The following ZNF385D variants were observed in gnomAD, a reference collection of about 807,000 sequenced individuals.
ZNF385D encodes zinc finger protein 385D.
A neutral mutation model predicts 35.8 loss-of-function variants in ZNF385D; 15 were observed. The observed-to-expected ratio is 0.42, with a 90% CI of 0.28 to 0.64. The LOEUF is 0.64. Ranked by LOEUF, ZNF385D falls within the 30% of genes least tolerant of loss-of-function variation. ZNF385D has a pLI of 0.23. For synonymous variants in ZNF385D, 212 were observed against 186.8 expected, an observed-to-expected ratio of 1.13 and a Z score of -1.10; for missense variants, 474 against 494.6, an observed-to-expected ratio of 0.96 and a Z score of 0.39.
At chr3:22,332,692 G>A (rs1694993989) in intron 2 of ZNF385D, among the ~76,000 whole-genome samples, 2 of 152,050 alleles carry the variant, frequency 1.3e-5, no homozygotes, top group South Asian at 2.1e-4. Context: ...AAGCCAAGAT[G>A]AGAATTTGAA....
intron 2 of ZNF385D, among the ~76,000 whole-genome samples, chr3:22,350,149 A>G (rs1575173832): frequency 6.6e-6 from 1 of 152,182 alleles, no homozygotes; most frequent in African/African-American, 2.4e-5. Flanking sequence ...CCATGACTTT[A>G]GACTAAGCGT....
intron 1 of ZNF385D, among the ~76,000 whole-genome samples, chr3:21,719,862 G>A (rs2068468320): frequency 6.6e-6 from 1 of 152,158 alleles, no homozygotes; most frequent in African/African-American, 2.4e-5. Context: ...TTTAAACTAA[G>A]AAGACAAGAA....
At chr3:21,557,781 C>T (rs2062793164) in intron 3 of ZNF385D, among the ~76,000 whole-genome samples, 1 of 152,108 alleles carries the variant, frequency 6.6e-6, no homozygotes, top group South Asian at 2.1e-4. Context: ...TCTGTGAATC[C>T]ATCTGGTCCT....
intron 2 of ZNF385D, among the ~76,000 whole-genome samples, chr3:21,590,035 G>A (rs566111049): frequency 2.0e-5 from 3 of 152,246 alleles, no homozygotes; most frequent in South Asian, 4.1e-4. Flanking sequence ...CTGTGGACAA[G>A]TAGGCATGTG....
chr3:22,148,970 C>G (rs912697381), intron 3 of ZNF385D, among the ~76,000 whole-genome samples: 1 of 152,158 alleles, frequency 6.6e-6, no homozygotes, highest in African/African-American at 2.4e-5. Flanking sequence ...ACTCAAACTT[C>G]TATCTAATAT....
At chr3:22,185,186 G>C (rs182578814) in intron 2 of ZNF385D, among the ~76,000 whole-genome samples, 104 of 148,620 alleles carry the variant, frequency 7.0e-4, no homozygotes, top group African/African-American at 2.4e-3. Context: ...CTTTAAAATT[G>C]CAAGTTTCAA....
Position 21,594,219 on chromosome 3 carries a change from C to T in ZNF385D, c.166-29535G>A, listed in dbSNP as rs192173643. Reference sequence around the variant, plus strand: ...TGCTTTACACCAGACCTGCCAAGATCATTCACACTTATTTTGCAGTATCCA... The same window carrying T: ...TGCTTTACACCAGACCTGCCAAGATTATTCACACTTATTTTGCAGTATCCA... On this transcript the variant is annotated intron_variant, in intron 2 of 7. Transcript: ENST00000281523. Among the ~76,000 whole-genome samples, 578 of 152,256 alleles carry T rather than the reference C, an allele frequency of 3.8e-3. 6 individuals are homozygous for T. Among genetic ancestry groups the T allele is most frequent in the African/African-American group, 0.013 (529 of 41,548 alleles).
intron 3 of ZNF385D, among the ~76,000 whole-genome samples, chr3:22,007,400 A>C (rs1251123466): frequency 6.6e-6 from 1 of 152,186 alleles, no homozygotes; most frequent in Non-Finnish European, 1.5e-5. Context: ...ATGGATATTT[A>C]TTTAGTTTGT....
intron 3 of ZNF385D, among the ~76,000 whole-genome samples, chr3:21,952,779 T>C (rs918032739): frequency 6.6e-6 from 1 of 151,962 alleles, no homozygotes; most frequent in Non-Finnish European, 1.5e-5. Context: ...TGCTACTTAA[T>C]ATATTTTATG....
intron 3 of ZNF385D, among the ~76,000 whole-genome samples, chr3:21,894,006 T>TCCTA (rs1699008189): frequency 6.6e-6 from 1 of 152,182 alleles, no homozygotes; most frequent in African/African-American, 2.4e-5. Context: ...CACCTGGACT[T>TCCTA]AGGAAGTTCA....
intron 2 of ZNF385D, among the ~76,000 whole-genome samples, chr3:22,315,494 A>G (rs2125436143): frequency 6.6e-6 from 1 of 152,340 alleles, no homozygotes; most frequent in African/African-American, 2.4e-5. Flanking sequence ...TGAGAAAACT[A>G]TTTGGGAAGA....
chr3:21,958,484 G>T (rs931953978), intron 3 of ZNF385D, among the ~76,000 whole-genome samples: 1 of 152,020 alleles, frequency 6.6e-6, no homozygotes, highest in African/African-American at 2.4e-5. Context: ...ACCTTGCTGG[G>T]AACATGTTAC....
intron 4 of ZNF385D, among the ~76,000 whole-genome samples, chr3:21,490,340 C>G (rs1705337044): frequency 6.6e-6 from 1 of 151,954 alleles, no homozygotes; most frequent in Non-Finnish European, 1.5e-5. Flanking sequence ...TCTTCTTTTG[C>G]TCTTGCTGTT....
intron 3 of ZNF385D, among the ~76,000 whole-genome samples, chr3:21,964,916 C>G (rs1319522815): frequency 1.3e-5 from 2 of 152,112 alleles, no homozygotes; most frequent in Non-Finnish European, 2.9e-5. Flanking sequence ...TCAGAAGCTA[C>G]TGAACATAGG....
chr3:21,652,937 C>T (rs984963594), intron 2 of ZNF385D, among the ~76,000 whole-genome samples: 1 of 152,010 alleles, frequency 6.6e-6, no homozygotes, highest in Non-Finnish European at 1.5e-5. Flanking sequence ...AAAACTTGAA[C>T]ATTACAGAAA....
At chr3:21,653,677 C>G (rs909681888) in intron 2 of ZNF385D, among the ~76,000 whole-genome samples, 1 of 151,786 alleles carries the variant, frequency 6.6e-6, no homozygotes, top group Admixed American at 6.6e-5. Flanking sequence ...GTCAATAGCA[C>G]CTCATAGGTA....
At chr3:21,885,661 T>C (rs542554940) in intron 3 of ZNF385D, among the ~76,000 whole-genome samples, 112 of 152,000 alleles carry the variant, frequency 7.4e-4, no homozygotes, top group Non-Finnish European at 1.4e-3. Context: ...ACAAATTTTA[T>C]ATCAGTGAAA....
chr3:21,623,111 G>A (rs1196122048), intron 2 of ZNF385D, among the ~76,000 whole-genome samples: 18 of 152,054 alleles, frequency 1.2e-4, no homozygotes, highest in Admixed American at 1.2e-3. Flanking sequence ...GTTACTGCCT[G>A]TGTGATTTTG....
chr3:21,552,956 G>A (rs2062615655), intron 3 of ZNF385D, among the ~76,000 whole-genome samples: 1 of 152,208 alleles, frequency 6.6e-6, no homozygotes, highest in African/African-American at 2.4e-5. Flanking sequence ...GGAAGAGGGA[G>A]GCAGAAGAGT....
Sources: gnomAD v4.1 joint callset for allele counts (sites outside exome capture counted in the v4.1 genomes callset) on GRCh38, gnomAD v4.1.1 for gene constraint, MANE v1.5 for transcripts, NCBI Gene and HGNC (gene_info 2026-07-23, HGNC 2026-07-21) for gene names.